The following CCM2 variants were observed in gnomAD, a reference collection of about 807,000 sequenced individuals.
The protein encoded by CCM2 is cerebral cavernous malformations 2 protein.
Under a neutral mutation model 44.9 loss-of-function variants are expected in CCM2, and 25 were observed. The ratio of observed to expected loss-of-function variants is 0.56; its 90% confidence interval spans 0.41 to 0.78. The LOEUF (loss-of-function observed/expected upper bound fraction) is 0.78. Ranked by LOEUF, CCM2 falls within the 30% of genes least tolerant of loss-of-function variation. The pLI is 0.00. For synonymous variants in CCM2, 219 were observed against 241.1 expected (o/e 0.91, Z 0.85); for missense variants, 481 against 580.6 (o/e 0.83, Z 1.76).
At chr7:45,073,234 C>A in intron 7 of CCM2, 1 of 601,880 alleles carries the variant, frequency 1.7e-6, no homozygotes, top group East Asian at 2.8e-5. Flanking sequence ...TCCCTCTCTT[C>A]ACTCAGAGCC....
Position 45,069,996 on chromosome 7 carries a change from A to G in CCM2, c.745+35A>G, listed in dbSNP as rs1231760003. Reference sequence around the variant, plus strand: ...GTGAGAGTGGGCAGCGGGTGGGAGCAGGGACAGGAGGGGCTACTGCAGTGG... The same window carrying G: ...GTGAGAGTGGGCAGCGGGTGGGAGCGGGGACAGGAGGGGCTACTGCAGTGG... On this transcript the variant is annotated intron_variant, in intron 6 of 9. Transcript: ENST00000258781. The G allele has an allele frequency of 1.7e-5, 27 of 1,610,224 alleles. No homozygotes were observed. In the South Asian group the frequency reaches 2.5e-4, roughly 15 times the overall value.
At chr7:44,999,908 G>A, upstream of CCM2, 1 of 327,588 alleles carries the variant, frequency 3.1e-6, no homozygotes, top group Non-Finnish European at 6.2e-6. Context: ...AGCGTTTCCG[G>A]CTCTCCTGAA....
Position 45,008,774 on chromosome 7 carries a change from A to C in CCM2, c.30+8411A>C, listed in dbSNP as rs1270045298. ...GCCCTAGATATGATTATGTCTAGCT[A>C]ATTTATTACTGCCATTAGATACATC... On this transcript the variant is annotated intron_variant, in intron 1 of 9. Transcript: ENST00000258781. Among the ~76,000 whole-genome samples the C allele has an allele frequency of 2.6e-5, 4 of 152,194 alleles. No individual in the cohort carries two copies. In the East Asian group the frequency reaches 7.7e-4, roughly 29 times the overall value.
rs974431661 is a variant in CCM2 at position 45,022,369 on chromosome 7, C to T, written c.31-15884C>T. 9.8e-5 allele frequency among the ~76,000 whole-genome samples: 12 copies of T among 122,122 alleles called. No individual in the cohort carries two copies. The Admixed American group carries it at 1.0e-3, about 10-fold the overall frequency. The allele number at this position is 122,122 out of a possible 152,430, so 80.1% of individuals were successfully genotyped here. A position where few individuals can be genotyped will look rare whatever the true frequency, so the allele number is the denominator to read the frequency against. On this transcript the variant is annotated intron_variant, in intron 1 of 9. Coordinates refer to ENST00000258781, the MANE Select transcript of CCM2 (RefSeq NM_031443.4). Reference sequence around the variant, plus strand: ...CAGGCTAGAGTGGAGTGCAGTGGTGCGATCTCGGTTCACTGCAAACTCCGC... The same window carrying T: ...CAGGCTAGAGTGGAGTGCAGTGGTGTGATCTCGGTTCACTGCAAACTCCGC...
At position 45,064,498 on chromosome 7, in the gene CCM2, G is replaced by A. The variant is rs202238952; in HGVS notation, c.324G>A (p.Glu108=). Residue 108 remains glutamate (E), a synonymous_variant, in exon 4 of 10, where the codon GAG becomes GAA. Transcript: ENST00000258781. The part of the protein sequence containing the change: ...AHQLPGHLTQ[E]HDAVLSLSAY... ...AGCTTCCGGGACACTTGACTCAGGA[G>A]CACGATGCTGTGCTCAGCCTGTCTG... 6.2e-7 allele frequency: 1 copy of A among 1,613,694 alleles called. No individual in the cohort carries two copies. The highest frequency in any genetic ancestry group is 1.3e-5 in the African/African-American group (1 of 75,034).
chr7:45,040,086 G>T (rs1333184487), intron 2 of CCM2, among the ~76,000 whole-genome samples: 2 of 150,462 alleles, frequency 1.3e-5, no homozygotes, highest in African/African-American at 4.9e-5. Context: ...TTCAATAGAG[G>T]TGTTGAAAGA....
rs189351279 is a variant in CCM2, at chr7:45,070,147, G to C, written c.745+186G>C. 34 of 692,092 alleles carry C rather than the reference G, an allele frequency of 4.9e-5. No individual in the cohort carries two copies. The African/African-American group carries it at 5.7e-4, about 12-fold the overall frequency. 42.9% of individuals were successfully genotyped at this position (692,092 alleles called of 1,614,324 possible). On this transcript the variant is annotated intron_variant, in intron 6 of 9. Coordinates refer to ENST00000258781, the MANE Select transcript of CCM2 (RefSeq NM_031443.4). ...TTTCATGAAGGCAGAAGTGTCACCT[G>C]TCCTTGAGAGAGTTGCACCAGGTCA...
intron 1 of CCM2, among the ~76,000 whole-genome samples, chr7:45,024,201 A>G (rs1193529713): frequency 6.6e-6 from 1 of 152,148 alleles, no homozygotes; most frequent in Non-Finnish European, 1.5e-5. Context: ...AGTTCAGCAA[A>G]GTCTCTTCAG....
chr7:45,067,194 C>CG, intron 4 of CCM2, among the ~76,000 whole-genome samples: 1 of 141,422 alleles, frequency 7.1e-6, no homozygotes, highest in South Asian at 2.3e-4. Context: ...CCACTGTGCC[C>CG]GCCTTTTTTT....
intron 1 of CCM2, among the ~76,000 whole-genome samples, chr7:45,031,638 G>A (rs1342867588): frequency 6.6e-6 from 1 of 152,122 alleles, no homozygotes; most frequent in Non-Finnish European, 1.5e-5. Context: ...GCTCACTGCA[G>A]CCTTGACTTC....
At chr7:45,056,217 A>C (rs1798255135) in intron 2 of CCM2, among the ~76,000 whole-genome samples, 1 of 152,202 alleles carries the variant, frequency 6.6e-6, no homozygotes, top group Admixed American at 6.5e-5. Flanking sequence ...GGAATTACTG[A>C]ATCATATGCT....
At chr7:45,027,696 G>A (rs1386601952) in intron 1 of CCM2, 5 of 1,613,984 alleles carry the variant, frequency 3.1e-6, no homozygotes, top group Non-Finnish European at 4.2e-6. Context: ...ATTCAGAAGT[G>A]AGTAGAGAAT....
intron 1 of CCM2, among the ~76,000 whole-genome samples, chr7:45,026,030 G>T (rs1796676998): frequency 6.6e-6 from 1 of 152,188 alleles, no homozygotes; most frequent in Non-Finnish European, 1.5e-5. Context: ...TTCAGAGCAT[G>T]TGGGTTTTCT....
intron 1 of CCM2, among the ~76,000 whole-genome samples, chr7:45,015,106 TC>T (rs1314860917): frequency 6.6e-6 from 1 of 152,032 alleles, no homozygotes; most frequent in Admixed American, 6.6e-5. Context: ...GTCCAAGGAG[TC>T]CTCCTTGCTT....
chr7:45,032,925 C>T (rs991211507), intron 1 of CCM2, among the ~76,000 whole-genome samples: 30 of 151,492 alleles, frequency 2.0e-4, no homozygotes, highest in Admixed American at 6.6e-5. Flanking sequence ...CCTGTAATCC[C>T]AGCTACTCCA....
chr7:45,055,582 G>C (rs763429006), intron 2 of CCM2, among the ~76,000 whole-genome samples: 4 of 152,152 alleles, frequency 2.6e-5, no homozygotes, highest in Admixed American at 6.5e-5. Flanking sequence ...CGAGCTATTT[G>C]GGAGGCTGAG....
At chr7:45,011,910 G>T (rs1439471367) in intron 1 of CCM2, among the ~76,000 whole-genome samples, 3 of 151,834 alleles carry the variant, frequency 2.0e-5, no homozygotes, top group South Asian at 2.1e-4. Context: ...ATGTTGTCCA[G>T]GGTGGTCTTG....
chr7:45,062,141 C>T (rs148934909), intron 2 of CCM2, among the ~76,000 whole-genome samples: 7 of 152,260 alleles, frequency 4.6e-5, no homozygotes, highest in African/African-American at 1.4e-4. Context: ...TTTAAGTTTG[C>T]CAGCTTTCTT....
chr7:45,070,091 C>T, intron 6 of CCM2, 130 bp downstream of exon 6: 1 of 1,217,966 alleles, frequency 8.2e-7, no homozygotes, highest in East Asian at 2.4e-5. Context: ...CTTTTGTTTC[C>T]AGACTTTGCT....
Sources: allele counts gnomAD v4.1 joint callset (sites outside exome capture counted in the v4.1 genomes callset), GRCh38; gene constraint gnomAD v4.1.1; transcripts MANE v1.5; gene names NCBI Gene and HGNC (gene_info 2026-07-23, HGNC 2026-07-21).